The following NAALADL2 variants were observed in gnomAD, a reference collection of about 807,000 sequenced individuals.
NAALADL2 encodes the protein inactive N-acetylated-alpha-linked acidic dipeptidase-like protein 2.
NAALADL2 carries 76 observed loss-of-function variants against 87.2 expected under a neutral mutation model. The ratio of observed to expected loss-of-function variants is 0.87; its 90% CI spans 0.72 to 1.05. NAALADL2 has a LOEUF of 1.05. Among genes scored for constraint, NAALADL2 ranks in the 50% least tolerant of loss-of-function variants. The pLI, the probability that NAALADL2 is intolerant of heterozygous loss-of-function variation, is 0.00. For missense variants in NAALADL2, 1,089 were observed against 945.8 expected, an observed-to-expected ratio of 1.15 and a Z score of -1.99; for synonymous variants, 354 against 331.0, an observed-to-expected ratio of 1.07 and a Z score of -0.75.
intron 11 of NAALADL2, among the ~76,000 whole-genome samples, chr3:175,640,684 C>T (rs762677709): frequency 2.0e-5 from 3 of 152,138 alleles, no homozygotes; most frequent in Non-Finnish European, 4.4e-5. Flanking sequence ...ACCCATCATT[C>T]ATTTGAAGAA....
At chr3:175,313,201 C>G (rs903835135) in intron 4 of NAALADL2, among the ~76,000 whole-genome samples, 8 of 152,030 alleles carry the variant, frequency 5.3e-5, no homozygotes, top group African/African-American at 1.9e-4. Context: ...CCTCATTTAA[C>G]CTTAATTACT....
rs530671006 is a variant in NAALADL2 at position 174,779,321 on chromosome 3, G to GTT, written c.-9+41575_-9+41576insTT. Among the ~76,000 whole-genome samples the GTT allele has an allele frequency of 2.1e-3, 286 of 138,382 alleles. 1 individual carries two copies. The highest frequency in any genetic ancestry group is 7.2e-3 in the African/African-American group (279 of 38,852). The allele number at this position is 138,382 out of a possible 152,430, so 90.8% of individuals were successfully genotyped here. A position where few individuals can be genotyped will look rare whatever the true frequency, so the allele number is the denominator to read the frequency against. On this transcript the variant is annotated intron_variant, in intron 3 of 3. Coordinates refer to the NAALADL2 transcript ENST00000434257. ...CATATCCTTTGTCCACTTTTGATGG[G>GTT]GTTGTTTTTTTCTTGTAAATTTGTT...
intron 3 of NAALADL2, among the ~76,000 whole-genome samples, chr3:174,755,527 C>T (rs868842475): frequency 5.3e-5 from 8 of 152,180 alleles, no homozygotes; most frequent in Non-Finnish European, 7.4e-5. Flanking sequence ...TAAAAAATTT[C>T]GAGCCACCTC....
intron 1 of NAALADL2, among the ~76,000 whole-genome samples, chr3:175,009,095 C>T (rs1207719468): frequency 6.6e-6 from 1 of 152,046 alleles, no homozygotes; most frequent in Non-Finnish European, 1.5e-5. Flanking sequence ...TGTTTCAGAA[C>T]CACGTGGAGA....
chr3:175,592,853 A>C (rs1042062093), intron 10 of NAALADL2, among the ~76,000 whole-genome samples: 6 of 151,974 alleles, frequency 3.9e-5, no homozygotes, highest in African/African-American at 1.4e-4. Context: ...ACTAACCTGC[A>C]CATTGTGCAC....
chr3:175,767,189 A>G (rs1443437594), intron 13 of NAALADL2, among the ~76,000 whole-genome samples: 1 of 152,028 alleles, frequency 6.6e-6, no homozygotes, highest in African/African-American at 2.4e-5. Flanking sequence ...TAAAAACACA[A>G]GACTACAGCA....
At chr3:175,582,757 C>T (rs1719964866) in intron 10 of NAALADL2, among the ~76,000 whole-genome samples, 4 of 152,124 alleles carry the variant, frequency 2.6e-5, no homozygotes, top group South Asian at 2.1e-4. Context: ...CAAACTCAGT[C>T]GTATAAACAA....
At chr3:174,881,258 T>C (rs1729154068) in intron 1 of NAALADL2, among the ~76,000 whole-genome samples, 1 of 152,130 alleles carries the variant, frequency 6.6e-6, no homozygotes, top group South Asian at 2.1e-4. Context: ...TGTTTAGGAT[T>C]GCAATCTCCC....
chr3:174,624,339 C>T (rs184226797), intron 2 of NAALADL2, among the ~76,000 whole-genome samples: 3 of 152,124 alleles, frequency 2.0e-5, no homozygotes, highest in Admixed American at 6.5e-5. Flanking sequence ...ATGTTGGCAT[C>T]GGGGCCGGGC....
At chr3:175,587,095 A>T (rs1199350526) in intron 10 of NAALADL2, among the ~76,000 whole-genome samples, 1 of 152,194 alleles carries the variant, frequency 6.6e-6, no homozygotes, top group Admixed American at 6.5e-5. Flanking sequence ...ACTCCCTCTG[A>T]TGGACTGACA....
At chr3:174,926,067 C>A (rs1257397501) in intron 1 of NAALADL2, among the ~76,000 whole-genome samples, 3 of 152,104 alleles carry the variant, frequency 2.0e-5, no homozygotes, top group Admixed American at 2.0e-4. Context: ...AATGCACAAG[C>A]TTCGGTAGCC....
chr3:174,741,044 G>T (rs952713691), intron 3 of NAALADL2, among the ~76,000 whole-genome samples: 1 of 151,698 alleles, frequency 6.6e-6, no homozygotes, highest in Non-Finnish European at 1.5e-5. Context: ...TGGTCTAATG[G>T]TGATAATTCA....
intron 9 of NAALADL2, among the ~76,000 whole-genome samples, chr3:175,531,450 G>T (rs918246999): frequency 1.3e-5 from 2 of 152,174 alleles, no homozygotes; most frequent in African/African-American, 2.4e-5. Flanking sequence ...TCACCAATAA[G>T]TCTGGTGTGT....
At chr3:175,198,149 A>G (rs999695621) in intron 2 of NAALADL2, among the ~76,000 whole-genome samples, 1 of 152,106 alleles carries the variant, frequency 6.6e-6, no homozygotes, top group Non-Finnish European at 1.5e-5. Context: ...CATATTTGGA[A>G]TAACACAAGT....
At chr3:175,635,087 T>A (rs865983731) in intron 11 of NAALADL2, among the ~76,000 whole-genome samples, 1 of 152,072 alleles carries the variant, frequency 6.6e-6, no homozygotes, top group Admixed American at 6.6e-5. Flanking sequence ...ATAATTAAAC[T>A]TAATATCTTC....
chr3:174,549,887 G>T (rs1296697312), intron 1 of NAALADL2, among the ~76,000 whole-genome samples: 1 of 151,488 alleles, frequency 6.6e-6, no homozygotes, highest in East Asian at 1.9e-4. Flanking sequence ...CATAACAGTG[G>T]TTTTTTGTTT....
At chr3:175,497,889 G>A (rs1335585645) in intron 9 of NAALADL2, among the ~76,000 whole-genome samples, 2 of 152,030 alleles carry the variant, frequency 1.3e-5, no homozygotes, top group African/African-American at 4.8e-5. Context: ...GTTATCAAAT[G>A]CAATATTGAA....
At chr3:175,078,381 G>A (rs756661967) in intron 1 of NAALADL2, among the ~76,000 whole-genome samples, 25 of 151,852 alleles carry the variant, frequency 1.6e-4, no homozygotes, top group Admixed American at 5.2e-4. Flanking sequence ...AAAATGCAGC[G>A]CAGCAATAAT....
At chr3:174,814,708 G>T (rs1720601925) in intron 3 of NAALADL2, among the ~76,000 whole-genome samples, 2 of 152,104 alleles carry the variant, frequency 1.3e-5, no homozygotes, top group South Asian at 4.1e-4. Context: ...CAACTGCCAT[G>T]AAACAAAAAT....
Sources: gnomAD v4.1 joint callset for allele counts (sites outside exome capture counted in the v4.1 genomes callset) on GRCh38, gnomAD v4.1.1 for gene constraint, MANE v1.5 for transcripts, NCBI Gene and HGNC (gene_info 2026-07-23, HGNC 2026-07-21) for gene names.